The following CDH12 variants were observed in gnomAD, a reference collection of about 807,000 sequenced individuals.
CDH12 encodes cadherin-12.
CDH12 carries 41 observed loss-of-function variants against 74.1 expected under a neutral mutation model. The observed-to-expected ratio is 0.55, with a 90% CI of 0.43 to 0.72. The LOEUF is 0.72. Among genes scored for constraint, CDH12 ranks in the 30% least tolerant of loss-of-function variants. CDH12 has a pLI of 0.00. For missense variants in CDH12, 945 were observed against 977.2 expected (o/e 0.97, Z 0.44); for synonymous variants, 399 against 355.0 (o/e 1.12, Z -1.39).
At chr5:22,615,185 C>A (rs1462735323) in intron 1 of CDH12, among the ~76,000 whole-genome samples, 1 of 152,024 alleles carries the variant, frequency 6.6e-6, no homozygotes, top group Non-Finnish European at 1.5e-5. Context: ...AGACTCTAAT[C>A]ACGTGTAATG....
At chr5:22,355,525 TA>T (rs1740528251) in intron 3 of CDH12, among the ~76,000 whole-genome samples, 1 of 30,050 alleles carries the variant, frequency 3.3e-5, no homozygotes, top group African/African-American at 7.4e-5. Context: ...AAAAAAAAAA[TA>T]TATATATATA....
chr5:22,713,443 C>A (rs551516277), intron 1 of CDH12, among the ~76,000 whole-genome samples: 6 of 151,804 alleles, frequency 4.0e-5, no homozygotes, highest in East Asian at 1.9e-4. Flanking sequence ...ACCCGGCCGA[C>A]CTTAGGCTAA....
intron 3 of CDH12, among the ~76,000 whole-genome samples, chr5:22,319,055 T>C (rs1738751092): frequency 6.6e-6 from 1 of 152,160 alleles, no homozygotes; most frequent in Non-Finnish European, 1.5e-5. Flanking sequence ...CAAGCTGAAA[T>C]TTCATATCAC....
At chr5:22,665,455 A>T (rs1437243010) in intron 1 of CDH12, among the ~76,000 whole-genome samples, 1 of 152,188 alleles carries the variant, frequency 6.6e-6, no homozygotes, top group South Asian at 2.1e-4. Context: ...ACAAAGTAAT[A>T]ATATTGCAGA....
At chr5:22,473,730 A>G (rs1746058118) in intron 2 of CDH12, among the ~76,000 whole-genome samples, 1 of 152,138 alleles carries the variant, frequency 6.6e-6, no homozygotes, top group Non-Finnish European at 1.5e-5. Context: ...AAATTACTAT[A>G]ATATGTGGAT....
At chr5:22,367,591 T>C (rs1343403808) in intron 3 of CDH12, among the ~76,000 whole-genome samples, 2 of 152,190 alleles carry the variant, frequency 1.3e-5, no homozygotes, top group Non-Finnish European at 2.9e-5. Flanking sequence ...TTGGTCATAT[T>C]TTAGGTTTCA....
intron 6 of CDH12, among the ~76,000 whole-genome samples, chr5:21,880,564 CTTCTTTCT>C (rs1314198058): frequency 6.9e-5 from 1 of 14,482 alleles, no homozygotes; most frequent in African/African-American, 1.2e-4. Flanking sequence ...CCTTCCTTCC[CTTCTTTCT>C]TTCCTTCCTT....
chr5:22,627,115 T>A (rs1738340092), intron 1 of CDH12, among the ~76,000 whole-genome samples: 1 of 152,092 alleles, frequency 6.6e-6, no homozygotes, highest in South Asian at 2.1e-4. Flanking sequence ...TACGACTCAT[T>A]GGTATCCCTA....
At chr5:22,230,590 C>T (rs1281111039) in intron 3 of CDH12, among the ~76,000 whole-genome samples, 1 of 151,748 alleles carries the variant, frequency 6.6e-6, no homozygotes, top group African/African-American at 2.4e-5. Context: ...CCTGCCCCAG[C>T]CTCCCGAGTA....
At chr5:22,146,298 T>C (rs1301948862) in intron 4 of CDH12, among the ~76,000 whole-genome samples, 1 of 151,964 alleles carries the variant, frequency 6.6e-6, no homozygotes. Context: ...CCCCATAACA[T>C]GGCCTTAAAA....
In CDH12 at chr5:22,113,559, A is replaced by C. The variant is rs1299629537; in HGVS notation, c.-186-34697T>G. Among the ~76,000 whole-genome samples the C allele has an allele frequency of 2.0e-5, 3 of 152,044 alleles. No homozygotes were observed. In the East Asian group the frequency reaches 5.8e-4, roughly 30 times the overall value. On this transcript the variant is annotated intron_variant, in intron 4 of 14. Coordinates refer to ENST00000382254, the MANE Select transcript of CDH12 (RefSeq NM_004061.5). ...TGTCCCACCTTTCTGGACCAAACCAATGTATTTCTTAAATATATTTGATTG... is the reference window on the plus strand; with the variant it reads ...TGTCCCACCTTTCTGGACCAAACCACTGTATTTCTTAAATATATTTGATTG...
At position 21,833,288 on chromosome 5, in the gene CDH12, CATATAATATATATTATATGTTATATGTT is replaced by C. The variant is rs1561225664; in HGVS notation, c.814+8845_814+8872del. Among the ~76,000 whole-genome samples the C allele has an allele frequency of 6.5e-4, 25 of 38,338 alleles. 2 individuals are homozygous for C. Among genetic ancestry groups the C allele is most frequent in the African/African-American group, 2.7e-3 (11 of 4,036 alleles). 25.2% of individuals were successfully genotyped at this position (38,338 alleles called of 152,430 possible). On this transcript the variant is annotated intron_variant, in intron 8 of 14. Coordinates refer to ENST00000382254, the MANE Select transcript of CDH12 (RefSeq NM_004061.5). ...ATAATATATATTATATGTTATATAA[CATATAATATATATTATATGTTATATGTT>C]ATATAATATATATTATATATTATAT...
Position 22,240,602 on chromosome 5 carries a change from C to T in CDH12, c.-332-27959G>A, listed in dbSNP as rs151245131. 3.6e-4 allele frequency among the ~76,000 whole-genome samples: 55 copies of T among 152,236 alleles called. No individual in the cohort carries two copies. In the South Asian group the frequency reaches 0.011, roughly 29 times the overall value. ...AGGCTGGACTGCAATGGTGCGATCT[C>T]GGCTCACTGCAACCTCTGCCTCCCA... On this transcript the variant is annotated intron_variant, in intron 3 of 14. Coordinates refer to ENST00000382254, the MANE Select transcript of CDH12 (RefSeq NM_004061.5).
At chr5:22,702,484 C>T (rs748985681) in intron 1 of CDH12, among the ~76,000 whole-genome samples, 9 of 152,104 alleles carry the variant, frequency 5.9e-5, no homozygotes, top group Non-Finnish European at 1.2e-4. Context: ...TACATACAGT[C>T]GTTCAATGTC....
chr5:22,326,172 A>G (rs1368588522), intron 3 of CDH12, among the ~76,000 whole-genome samples: 2 of 152,116 alleles, frequency 1.3e-5, no homozygotes, highest in Non-Finnish European at 2.9e-5. Flanking sequence ...AACAAAATTC[A>G]TTCTCTCAAT....
chr5:22,044,825 G>A lies in CDH12; in HGVS notation c.231+33621C>T, dbSNP rs116154164. On this transcript the variant is annotated intron_variant, in intron 5 of 14. Transcript: ENST00000382254. ...AGAAACTAATAAAAATCAATGTAAG[G>A]TTTGAAACTATGAAACTACTAGAAG... Among the ~76,000 whole-genome samples the A allele has an allele frequency of 3.5e-3, 528 of 152,228 alleles. 3 individuals carry two copies. The highest frequency in any genetic ancestry group is 0.012 in the African/African-American group (509 of 41,536).
At position 22,566,850 on chromosome 5, in the gene CDH12, A is replaced by G. The variant is rs532786969; in HGVS notation, c.-522-61486T>C. Among the ~76,000 whole-genome samples, 6 of 152,294 alleles carry G rather than the reference A, an allele frequency of 3.9e-5. No individual in the cohort carries two copies. The South Asian group carries it at 1.2e-3, about 32-fold the overall frequency. ...ATTGCTATGGTCGCTGTTTTTCATAATATACTTGACAAGTGACATTCAAAT... is the reference window on the plus strand; with the variant it reads ...ATTGCTATGGTCGCTGTTTTTCATAGTATACTTGACAAGTGACATTCAAAT... On this transcript the variant is annotated intron_variant, in intron 1 of 14. Transcript: ENST00000382254.
At chr5:22,387,270 T>TA (rs34306714) in intron 3 of CDH12, among the ~76,000 whole-genome samples, 2 of 151,962 alleles carry the variant, frequency 1.3e-5, no homozygotes, top group Admixed American at 6.6e-5. Context: ...TTACAATTTT[T>TA]AAAAAAAATT....
At chr5:21,936,770 G>GTTTTCT (rs1481057139) in intron 6 of CDH12, among the ~76,000 whole-genome samples, 1 of 152,074 alleles carries the variant, frequency 6.6e-6, no homozygotes, top group Non-Finnish European at 1.5e-5. Context: ...CAAAGGGGTG[G>GTTTTCT]TTTTCTATGC....
Sources: allele counts gnomAD v4.1 joint callset (sites outside exome capture counted in the v4.1 genomes callset), GRCh38; gene constraint gnomAD v4.1.1; transcripts MANE v1.5; gene names NCBI Gene and HGNC (gene_info 2026-07-23, HGNC 2026-07-21).